ZC3H14: variants seen among roughly 807,000 people sequenced by gnomAD.
ZC3H14 encodes the protein zinc finger CCCH-type containing 14.
Under a neutral mutation model 92.4 loss-of-function variants are expected in ZC3H14, and 31 were observed. That is an observed-to-expected ratio of 0.34 (90% CI 0.25 to 0.45). ZC3H14 has a LOEUF of 0.45. Among genes scored for constraint, ZC3H14 ranks in the 20% least tolerant of loss-of-function variants. The pLI is 1.00. For missense variants in ZC3H14, 781 were observed against 897.3 expected (o/e 0.87, Z 1.66); for synonymous variants, 321 against 300.9 (o/e 1.07, Z -0.69).
rs929585451 is a variant in ZC3H14 at position 88,614,797 on chromosome 14, A to G, written c.*3046A>G. 1 of 152,164 alleles carries G rather than the reference A, an allele frequency of 6.6e-6. No homozygotes were observed. Among genetic ancestry groups the G allele is most frequent in the African/African-American group, 2.4e-5 (1 of 41,458 alleles). 9.4% of individuals were successfully genotyped at this position (152,164 alleles called of 1,614,324 possible). A position where few individuals can be genotyped will look rare whatever the true frequency, so the allele number is the denominator to read the frequency against. On this transcript the variant is annotated 3_prime_UTR_variant, in exon 17 of 17. Transcript: ENST00000251038. ...AATTCTAACTGACAAGTTTTTACAA[A>G]TGGAGTTGGGCTCATTCATTTTGGA...
chr14:88,566,102 A>T (rs1393330067), intron 2 of ZC3H14, among the ~76,000 whole-genome samples: 2 of 131,798 alleles, frequency 1.5e-5, no homozygotes, highest in Non-Finnish European at 3.1e-5. Flanking sequence ...CTGATCTCGA[A>T]CTCCTGACCT....
In ZC3H14 at chr14:88,618,899, A is replaced by C. The variant is rs1298245741; in HGVS notation, c.*7148A>C. Reference sequence around the variant, plus strand: ...CAGTGACTTTTCCTTTCTAGTTCTTAAAAGTAACGTGTGATAAGGCCTCAA... The same window carrying C: ...CAGTGACTTTTCCTTTCTAGTTCTTCAAAGTAACGTGTGATAAGGCCTCAA... On this transcript the variant is annotated 3_prime_UTR_variant, in exon 17 of 17. Transcript: ENST00000251038. The C allele has an allele frequency of 7.2e-7, 1 of 1,381,854 alleles. No homozygotes were observed. The highest frequency in any genetic ancestry group is 1.5e-5 in the African/African-American group (1 of 68,656). 85.6% of individuals were successfully genotyped at this position (1,381,854 alleles called of 1,614,324 possible).
chr14:88,595,561 C>T (rs1373645206), intron 9 of ZC3H14, among the ~76,000 whole-genome samples: 1 of 152,138 alleles, frequency 6.6e-6, no homozygotes, highest in South Asian at 2.1e-4. Context: ...GTGTCATCTT[C>T]GTTACAGTTC....
Position 88,618,090 on chromosome 14 carries a change from T to A in ZC3H14, c.*6339T>A. 2 of 587,262 alleles carry A rather than the reference T, an allele frequency of 3.4e-6. No homozygotes were observed. The highest frequency in any genetic ancestry group is 5.9e-6 in the Non-Finnish European group (2 of 339,740). 36.4% of individuals were successfully genotyped at this position (587,262 alleles called of 1,614,324 possible). A position where few individuals can be genotyped will look rare whatever the true frequency, so the allele number is the denominator to read the frequency against. On this transcript the variant is annotated 3_prime_UTR_variant, in exon 17 of 17. Transcript: ENST00000251038. ...ATAAAAAGGGGTCCCAACATGAACA[T>A]ACCATTTCAAAATATGGTAACAAAA...
intron 9 of ZC3H14, among the ~76,000 whole-genome samples, chr14:88,585,014 T>C (rs1436122006): frequency 6.6e-6 from 1 of 152,152 alleles, no homozygotes; most frequent in East Asian, 1.9e-4. Context: ...CAACAGTAAG[T>C]AGTTAAATGT....
chr14:88,572,646 C>T lies in ZC3H14; in HGVS notation c.500C>T (p.Pro167Leu), dbSNP rs1182291070. 3 of 1,614,136 alleles carry T rather than the reference C, an allele frequency of 1.9e-6. No homozygotes were observed. In the South Asian group the frequency reaches 3.3e-5, roughly 18 times the overall value. The stretch of plus-strand genomic sequence containing the variant: ...GTGAAACCTTTGAGGGAGCCAGCAC[C>T]CTCTGAAGATGTGATTGATATTAAG... ...STVKPLREPA[P>L]SEDVIDIKPE... Residue 167 changes from proline to leucine, a missense_variant, in exon 6 of 17, where the codon CCC becomes CTC. Transcript: ENST00000251038.
rs563861854 is a variant in ZC3H14, at chr14:88,604,832, G to T, written c.1747+1772G>T. On this transcript the variant is annotated intron_variant, in intron 12 of 16. Transcript: ENST00000251038. The stretch of plus-strand genomic sequence containing the variant: ...TAATCTCCAACTCCTGACCTCAAGT[G>T]ATCCACCAACCTCGGCCTCCCAAAG... 3.0e-3 allele frequency among the ~76,000 whole-genome samples: 463 copies of T among 152,200 alleles called. 3 individuals are homozygous for T. Among genetic ancestry groups the T allele is most frequent in the Non-Finnish European group, 5.3e-3 (359 of 68,004 alleles).
intron 2 of ZC3H14, among the ~76,000 whole-genome samples, chr14:88,565,797 AT>A (rs2079491933): frequency 6.6e-6 from 1 of 152,060 alleles, no homozygotes; most frequent in Non-Finnish European, 1.5e-5. Context: ...ATTTTTTCAT[AT>A]TCTTCAGTCA....
intron 2 of ZC3H14, among the ~76,000 whole-genome samples, chr14:88,565,644 G>C (rs2079472299): frequency 6.6e-6 from 1 of 152,062 alleles, no homozygotes; most frequent in Non-Finnish European, 1.5e-5. Context: ...AAAGGTCATT[G>C]ACGTATTTGA....
intron 10 of ZC3H14, among the ~76,000 whole-genome samples, chr14:88,600,446 T>TTC (rs1477747563): frequency 6.6e-6 from 1 of 151,760 alleles, no homozygotes; most frequent in African/African-American, 2.4e-5. Flanking sequence ...TTTCTCTTTT[T>TTC]TTTTTTTTTG....
intron 9 of ZC3H14, among the ~76,000 whole-genome samples, chr14:88,584,374 T>C (rs906498913): frequency 3.3e-5 from 5 of 152,324 alleles, no homozygotes; most frequent in South Asian, 2.1e-4. Flanking sequence ...AGGTATGTCA[T>C]GAACACATAA....
chr14:88,615,741 A>C lies in ZC3H14; in HGVS notation c.*3990A>C. 7.1e-7 allele frequency: 1 copy of C among 1,416,892 alleles called. No homozygotes were observed. The highest frequency in any genetic ancestry group is 9.7e-7 in the Non-Finnish European group (1 of 1,025,880). 87.8% of individuals were successfully genotyped at this position (1,416,892 alleles called of 1,614,324 possible). On this transcript the variant is annotated 3_prime_UTR_variant, in exon 17 of 17. Transcript: ENST00000251038. ...AGTCTTGGGTTAGCACCACTTGACC[A>C]TGCAGGGTTGGGTTTTGGTTTTTCT...
intron 9 of ZC3H14, among the ~76,000 whole-genome samples, chr14:88,584,833 A>G (rs768417309): frequency 6.6e-6 from 1 of 152,218 alleles, no homozygotes; most frequent in Non-Finnish European, 1.5e-5. Flanking sequence ...GAAGTAGAGA[A>G]AAGTCATGAC....
rs779647080 is a variant in ZC3H14, at chr14:88,619,648, T to G, written c.*7897T>G. Reference sequence around the variant, plus strand: ...CCCAGCTTAACTAACCTCCAGTTATTAAGGTGAAATGACACAACTTGAATC... The same window carrying G: ...CCCAGCTTAACTAACCTCCAGTTATGAAGGTGAAATGACACAACTTGAATC... On this transcript the variant is annotated 3_prime_UTR_variant, in exon 17 of 17. Coordinates refer to ENST00000251038, the MANE Select transcript of ZC3H14 (RefSeq NM_024824.5). The G allele has an allele frequency of 4.6e-5, 7 of 152,216 alleles. No homozygotes were observed. The highest frequency in any genetic ancestry group is 8.8e-5 in the Non-Finnish European group (6 of 68,038). 9.4% of individuals were successfully genotyped at this position (152,216 alleles called of 1,614,324 possible). A position where few individuals can be genotyped will look rare whatever the true frequency, so the allele number is the denominator to read the frequency against.
At chr14:88,607,174 A>G (rs1341934100) in intron 12 of ZC3H14, 69 bp from the exon 13 acceptor site, 2 of 1,610,138 alleles carry the variant, frequency 1.2e-6, no homozygotes, top group South Asian at 1.1e-5. Flanking sequence ...TGAGGGAAAT[A>G]TGTTAAAGGT....
At position 88,572,076 on chromosome 14, in the gene ZC3H14, C is replaced by T. The variant is rs755865736; in HGVS notation, c.282C>T (p.Asn94=). The T allele has an allele frequency of 7.4e-6, 12 of 1,614,024 alleles. No individual in the cohort carries two copies. Among genetic ancestry groups the T allele is most frequent in the Middle Eastern group, 1.6e-4 (1 of 6,070 alleles). ...CTGATACCAACATCTTTGATAGTAACGTGCCTTCAAACAAGAGCAATTTCA... is the reference window on the plus strand; with the variant it reads ...CTGATACCAACATCTTTGATAGTAATGTGCCTTCAAACAAGAGCAATTTCA... ...KSSDTNIFDS[N]VPSNKSNFSR... The change falls in exon 5 of 17, where the codon AAC becomes AAT. Residue 94 remains asparagine (N), a synonymous_variant. Coordinates refer to ENST00000251038, the MANE Select transcript of ZC3H14 (RefSeq NM_024824.5).
Position 88,572,635 on chromosome 14 carries a change from G to A in ZC3H14, c.489G>A (p.Arg163=), listed in dbSNP as rs2139596496. ...TRLMSTVKPL[R]EPAPSEDVID... ...TAATGTCAACAGTGAAACCTTTGAGGGAGCCAGCACCCTCTGAAGATGTGA... is the reference window on the plus strand; with the variant it reads ...TAATGTCAACAGTGAAACCTTTGAGAGAGCCAGCACCCTCTGAAGATGTGA... The change falls in exon 6 of 17, where the codon AGG becomes AGA. Residue 163 remains arginine, a synonymous_variant. Coordinates refer to ENST00000251038, the MANE Select transcript of ZC3H14 (RefSeq NM_024824.5). 1 of 1,614,150 alleles carries A rather than the reference G, an allele frequency of 6.2e-7. No homozygotes were observed. The highest frequency in any genetic ancestry group is 2.2e-5 in the East Asian group (1 of 44,872).
rs1223154796 is a variant in ZC3H14, at chr14:88,626,814, CTA to C, written c.*15065_*15066del. 1 of 1,611,390 alleles carries C rather than the reference CTA, an allele frequency of 6.2e-7. No individual in the cohort carries two copies. The highest frequency in any genetic ancestry group is 8.5e-7 in the Non-Finnish European group (1 of 1,178,458). ...AGAATGTAAAGTAGTCAAAGTCACACTATGTGCATTTTAAGAGACATACTGCA... is the reference window on the plus strand; with the variant it reads ...AGAATGTAAAGTAGTCAAAGTCACACTGTGCATTTTAAGAGACATACTGCA... On this transcript the variant is annotated 3_prime_UTR_variant, in exon 17 of 17. Coordinates refer to ENST00000251038, the MANE Select transcript of ZC3H14 (RefSeq NM_024824.5).
chr14:88,588,245 G>A (rs796933216), intron 9 of ZC3H14, among the ~76,000 whole-genome samples: 17 of 152,146 alleles, frequency 1.1e-4, no homozygotes, highest in African/African-American at 4.1e-4. Flanking sequence ...ATCCCGAGGC[G>A]CCCTCCTCCC....
Sources: allele counts gnomAD v4.1 joint callset (sites outside exome capture counted in the v4.1 genomes callset), GRCh38; gene constraint gnomAD v4.1.1; transcripts MANE v1.5; gene names NCBI Gene and HGNC (gene_info 2026-07-23, HGNC 2026-07-21).